Variants in GRK5 observed in about 807,000 individuals in gnomAD.
GRK5 encodes g protein-coupled receptor kinase GRK5.
A neutral mutation model predicts 78.4 loss-of-function variants in GRK5; 40 were observed. That is an observed-to-expected ratio of 0.51 (90% CI 0.40 to 0.66). The LOEUF is 0.66. GRK5 is among the 30% of genes least tolerant of loss of function. The pLI is 0.00. For synonymous variants in GRK5, 289 were observed against 296.8 expected (o/e 0.97, Z 0.27); for missense variants, 598 against 759.9 (o/e 0.79, Z 2.50).
intron 4 of GRK5, among the ~76,000 whole-genome samples, chr10:119,413,941 G>A (rs139212439): frequency 2.4e-3 from 369 of 152,262 alleles, no homozygotes; most frequent in African/African-American, 8.4e-3. Context: ...AGATCCCCTC[G>A]AGGAGGGTCA....
intron 15 of GRK5, among the ~76,000 whole-genome samples, chr10:119,454,725 T>C (rs1000494137): frequency 6.6e-6 from 1 of 152,296 alleles, no homozygotes; most frequent in African/African-American, 2.4e-5. Context: ...GCCTGCAGGC[T>C]TAACCAAGGT....
chr10:119,416,308 C>T (rs1029710528), intron 4 of GRK5, among the ~76,000 whole-genome samples: 2 of 152,266 alleles, frequency 1.3e-5, no homozygotes, highest in African/African-American at 2.4e-5. Flanking sequence ...GCAGGTGCAG[C>T]CGCCTTGGCG....
At chr10:119,438,485 C>T (rs1186262669) in intron 9 of GRK5, among the ~76,000 whole-genome samples, 1 of 147,556 alleles carries the variant, frequency 6.8e-6, no homozygotes, top group African/African-American at 2.5e-5. Context: ...GCCCTTCCCC[C>T]CATACCATCC....
intron 1 of GRK5, among the ~76,000 whole-genome samples, chr10:119,293,555 G>A (rs1380935339): frequency 6.6e-6 from 1 of 152,242 alleles, no homozygotes; most frequent in Non-Finnish European, 1.5e-5. Flanking sequence ...TTGGCCGTGG[G>A]CATTGGGAGG....
intron 3 of GRK5, among the ~76,000 whole-genome samples, chr10:119,387,900 T>G (rs1299708477): frequency 6.6e-6 from 1 of 152,124 alleles, no homozygotes; most frequent in East Asian, 1.9e-4. Context: ...ACTAAGTTCC[T>G]GCCCTTGTGC....
At chr10:119,451,618 G>A (rs1442599521) in intron 13 of GRK5, among the ~76,000 whole-genome samples, 1 of 152,220 alleles carries the variant, frequency 6.6e-6, no homozygotes, top group Non-Finnish European at 1.5e-5. Flanking sequence ...AACTAGAGAA[G>A]GGTCGCAGCT....
chr10:119,452,850 A>C lies in GRK5; in HGVS notation c.1542+42A>C. On this transcript the variant is annotated intron_variant, in intron 14 of 15. Coordinates refer to ENST00000392870, the MANE Select transcript of GRK5 (RefSeq NM_005308.3). The surrounding 1 kb of genome is among the most constrained non-coding windows in gnomAD (Gnocchi z 4.4). ...ACTTGCTTTGGTCTGGGTGGGAGGGAGGGACTGACGGGTGGAAGGAGGCGT... is the reference window on the plus strand; with the variant it reads ...ACTTGCTTTGGTCTGGGTGGGAGGGCGGGACTGACGGGTGGAAGGAGGCGT... 3 of 538,100 alleles carry C rather than the reference A, an allele frequency of 5.6e-6. No homozygotes were observed. Among genetic ancestry groups the C allele is most frequent in the Non-Finnish European group, 1.1e-5 (3 of 272,422 alleles). The allele number at this position is 538,100 out of a possible 1,614,324, so 33.3% of individuals were successfully genotyped here.
intron 2 of GRK5, among the ~76,000 whole-genome samples, chr10:119,370,894 T>TAAATA (rs146301216): frequency 6.6e-6 from 1 of 151,368 alleles, no homozygotes; most frequent in African/African-American, 2.4e-5. Context: ...AAAATGAAGT[T>TAAATA]AAATAAAATA....
In GRK5 at chr10:119,253,308, C is replaced by T. The variant is rs1171974534; in HGVS notation, c.52+45339C>T. Among the ~76,000 whole-genome samples the T allele has an allele frequency of 6.6e-6, 1 of 152,140 alleles. No homozygotes were observed. Among genetic ancestry groups the T allele is most frequent in the Non-Finnish European group, 1.5e-5 (1 of 68,016 alleles). On this transcript the variant is annotated intron_variant, in intron 1 of 15. Coordinates refer to ENST00000392870, the MANE Select transcript of GRK5 (RefSeq NM_005308.3). The surrounding 1 kb of genome is among the most constrained non-coding windows in gnomAD (Gnocchi z 5.7). ...GTGAACTATCTCCAGTTCAGCATTGCATTAGAAAAGGAATTACATCAGGTC... is the reference window on the plus strand; with the variant it reads ...GTGAACTATCTCCAGTTCAGCATTGTATTAGAAAAGGAATTACATCAGGTC...
intron 2 of GRK5, among the ~76,000 whole-genome samples, chr10:119,347,240 TGTGTGCACATGCAA>T (rs1851110750): frequency 6.6e-6 from 1 of 152,090 alleles, no homozygotes; most frequent in African/African-American, 2.4e-5. Flanking sequence ...GCAGTGTGTG[TGTGTGCACATGCAA>T]GTTTGTATGT....
intron 3 of GRK5, among the ~76,000 whole-genome samples, chr10:119,394,006 T>TG (rs879573721): frequency 4.7e-5 from 7 of 147,940 alleles, no homozygotes; most frequent in South Asian, 2.2e-4. Flanking sequence ...TGTCTGGGTC[T>TG]GGGGGGGTGC....
At chr10:119,428,230 C>T (rs1052866136) in intron 6 of GRK5, among the ~76,000 whole-genome samples, 5 of 152,254 alleles carry the variant, frequency 3.3e-5, no homozygotes, top group Non-Finnish European at 5.9e-5. Context: ...GACCCCAACT[C>T]CAGCCCACCG....
chr10:119,414,313 G>A (rs1211556124), intron 4 of GRK5, among the ~76,000 whole-genome samples: 1 of 152,266 alleles, frequency 6.6e-6, no homozygotes, highest in Non-Finnish European at 1.5e-5. Context: ...CATGGCTAAT[G>A]AGCGCGGAGC....
intron 5 of GRK5, 102 bp from the exon 6 acceptor site, chr10:119,424,879 TGCATGGGTTGAG>T: frequency 1.3e-6 from 1 of 752,688 alleles, no homozygotes; most frequent in Non-Finnish European, 2.4e-6. Context: ...GTGCTGCATC[TGCATGGGTTGAG>T]AGGCCCTGTT....
intron 11 of GRK5, among the ~76,000 whole-genome samples, chr10:119,442,543 C>T (rs1240149740): frequency 2.6e-5 from 4 of 152,260 alleles, no homozygotes; most frequent in African/African-American, 4.8e-5. Context: ...TTTCCTCAGT[C>T]TGCTCTGAGA....
At chr10:119,329,817 G>A (rs561990995) in intron 2 of GRK5, among the ~76,000 whole-genome samples, 46 of 147,012 alleles carry the variant, frequency 3.1e-4, no homozygotes, top group African/African-American at 9.7e-4. Flanking sequence ...GAACTGTCCC[G>A]TTTCTGCTAT....
chr10:119,364,802 A>G (rs549244036), intron 2 of GRK5, among the ~76,000 whole-genome samples: 51 of 152,366 alleles, frequency 3.3e-4, no homozygotes, highest in Admixed American at 2.9e-3. Context: ...ATAAGTAAGC[A>G]TAAGAGGTTC....
intron 2 of GRK5, among the ~76,000 whole-genome samples, chr10:119,358,682 G>T (rs1272263027): frequency 1.3e-5 from 2 of 152,166 alleles, no homozygotes; most frequent in Non-Finnish European, 2.9e-5. Flanking sequence ...CTTGTAAATG[G>T]CAGCACTGAG....
chr10:119,453,410 C>G, intron 15 of GRK5, 134 bp downstream of exon 15: 1 of 1,008,464 alleles, frequency 9.9e-7, no homozygotes, highest in African/African-American at 1.6e-5. Context: ...CTTGGAAGGG[C>G]AACTGATTAT....
Sources: allele counts gnomAD v4.1 joint callset (sites outside exome capture counted in the v4.1 genomes callset), GRCh38; gene constraint gnomAD v4.1.1; non-coding constraint Gnocchi (gnomAD v3.1); transcripts MANE v1.5; gene names NCBI Gene and HGNC (gene_info 2026-07-23, HGNC 2026-07-21).